Variants in CYP7B1 observed in about 807,000 individuals in gnomAD.
CYP7B1 encodes the protein cytochrome P450 family 7 subfamily B member 1, also known as cytochrome P450 7B1.
Under a neutral mutation model 42.7 loss-of-function variants are expected in CYP7B1, and 29 were observed. That is an observed-to-expected ratio of 0.68 (90% CI 0.51 to 0.93). The LOEUF is 0.93. Among genes scored for constraint, CYP7B1 ranks in the 40% least tolerant of loss-of-function variants. CYP7B1 has a pLI of 0.00. For synonymous variants in CYP7B1, 235 were observed against 218.2 expected (o/e 1.08, Z -0.68); for missense variants, 655 against 600.5 (o/e 1.09, Z -0.95).
chr8:64,630,331 T>C (rs1239800190), intron 1 of CYP7B1, among the ~76,000 whole-genome samples: 1 of 152,202 alleles, frequency 6.6e-6, no homozygotes, highest in Non-Finnish European at 1.5e-5. Context: ...TTTCTGTACA[T>C]CTGACTCATG....
At chr8:64,687,028 G>T (rs956250322) in intron 1 of CYP7B1, among the ~76,000 whole-genome samples, 5 of 141,362 alleles carry the variant, frequency 3.5e-5, no homozygotes, top group Admixed American at 7.1e-5. Context: ...GAAAACCAGA[G>T]ACCTTTGTTC....
intron 1 of CYP7B1, among the ~76,000 whole-genome samples, chr8:64,744,260 G>C (rs1300496003): frequency 6.6e-6 from 1 of 152,038 alleles, no homozygotes; most frequent in African/African-American, 2.4e-5. Flanking sequence ...TTATTTTATA[G>C]ATATATCATA....
chr8:64,725,692 G>A (rs1466712367), intron 1 of CYP7B1, among the ~76,000 whole-genome samples: 1 of 152,198 alleles, frequency 6.6e-6, no homozygotes, highest in Non-Finnish European at 1.5e-5. Context: ...GGTAGGTTAG[G>A]AGGAGGAGCA....
intron 1 of CYP7B1, among the ~76,000 whole-genome samples, chr8:64,750,026 A>C (rs1248588983): frequency 6.6e-6 from 1 of 152,238 alleles, no homozygotes; most frequent in African/African-American, 2.4e-5. Flanking sequence ...TAAATGAATA[A>C]ATGCATGCTA....
At chr8:64,697,775 A>G (rs546548827) in intron 1 of CYP7B1, among the ~76,000 whole-genome samples, 1 of 152,220 alleles carries the variant, frequency 6.6e-6, no homozygotes, top group Non-Finnish European at 1.5e-5. Flanking sequence ...TGAAAAATAC[A>G]TGAGATCTCA....
chr8:64,732,510 G>C (rs1034368260), intron 1 of CYP7B1, among the ~76,000 whole-genome samples: 1 of 152,148 alleles, frequency 6.6e-6, no homozygotes, highest in Non-Finnish European at 1.5e-5. Context: ...GCTCATAGGC[G>C]GAAGGGATTT....
intron 1 of CYP7B1, among the ~76,000 whole-genome samples, chr8:64,648,717 A>G (rs1463273576): frequency 1.3e-5 from 2 of 152,204 alleles, no homozygotes; most frequent in Non-Finnish European, 2.9e-5. Context: ...ACAGTGAGGT[A>G]TGGTAAAGGC....
At chr8:64,726,427 A>C (rs932985001) in intron 1 of CYP7B1, among the ~76,000 whole-genome samples, 11 of 152,226 alleles carry the variant, frequency 7.2e-5, no homozygotes, top group Admixed American at 5.2e-4. Context: ...AGTTACAAAA[A>C]GTAGTTTGAA....
chr8:64,624,190 G>C (rs1805572769), intron 2 of CYP7B1, among the ~76,000 whole-genome samples: 2 of 151,708 alleles, frequency 1.3e-5, no homozygotes, highest in African/African-American at 2.4e-5. Context: ...TGGAAAGAAG[G>C]GTTCCCTAAG....
chr8:64,652,120 C>T (rs139819349), intron 1 of CYP7B1, among the ~76,000 whole-genome samples: 148 of 152,282 alleles, frequency 9.7e-4, no homozygotes, highest in African/African-American at 3.3e-3. Context: ...ATTATAAATA[C>T]TCAAAATGCA....
At position 64,744,148 on chromosome 8, in the gene CYP7B1, A is replaced by C. The variant is rs181760634; in HGVS notation, c.122+54318T>G. ...AATTATGATTGGATTTATTCTCCTAAAAGGAGAGGGAAAATATAGTCAACT... is the reference window on the plus strand; with the variant it reads ...AATTATGATTGGATTTATTCTCCTACAAGGAGAGGGAAAATATAGTCAACT... On this transcript the variant is annotated intron_variant, in intron 1 of 5. Transcript: ENST00000310193. Among the ~76,000 whole-genome samples, 320 of 152,266 alleles carry C rather than the reference A, an allele frequency of 2.1e-3. 6 individuals carry two copies. Among genetic ancestry groups the C allele is most frequent in the Admixed American group, 0.02 (305 of 15,286 alleles).
At chr8:64,735,212 T>C (rs1336592675) in intron 1 of CYP7B1, among the ~76,000 whole-genome samples, 1 of 152,216 alleles carries the variant, frequency 6.6e-6, no homozygotes, top group Non-Finnish European at 1.5e-5. Context: ...TTTTCTAAAA[T>C]GGATATACTA....
At chr8:64,681,854 T>C (rs1806543910) in intron 1 of CYP7B1, among the ~76,000 whole-genome samples, 1 of 152,150 alleles carries the variant, frequency 6.6e-6, no homozygotes, top group Admixed American at 6.5e-5. Context: ...ATAATAAATG[T>C]TTGTTGTTTC....
intron 4 of CYP7B1, among the ~76,000 whole-genome samples, chr8:64,607,138 C>T (rs750745414): frequency 6.6e-6 from 1 of 152,096 alleles, no homozygotes; most frequent in Non-Finnish European, 1.5e-5. Flanking sequence ...TAAAACATAC[C>T]AAGGGATAAC....
At chr8:64,759,107 C>A (rs1194405979) in intron 1 of CYP7B1, among the ~76,000 whole-genome samples, 1 of 152,210 alleles carries the variant, frequency 6.6e-6, no homozygotes, top group Non-Finnish European at 1.5e-5. Flanking sequence ...CTACTCTGAT[C>A]AGCTCTAAAT....
chr8:64,716,084 T>C (rs1251882756), intron 1 of CYP7B1, among the ~76,000 whole-genome samples: 1 of 152,226 alleles, frequency 6.6e-6, no homozygotes, highest in African/African-American at 2.4e-5. Flanking sequence ...AACATAAGCA[T>C]TTAAAGCTTA....
Position 64,798,707 on chromosome 8 carries a change from C to T in CYP7B1, c.-120G>A, listed in dbSNP as rs1374791226. ...GCCCCCTAGTCCAGGGCCGGAGAGGCTGGCCTGCCCGCAGCGCAGACAGGA... is the reference window on the plus strand; with the variant it reads ...GCCCCCTAGTCCAGGGCCGGAGAGGTTGGCCTGCCCGCAGCGCAGACAGGA... On this transcript the variant is annotated 5_prime_UTR_variant, in exon 1 of 6. Transcript: ENST00000310193. 3.5e-6 allele frequency: 4 copies of T among 1,132,264 alleles called. No homozygotes were observed. Among genetic ancestry groups the T allele is most frequent in the South Asian group, 1.9e-5 (1 of 54,018 alleles). 70.1% of individuals were successfully genotyped at this position (1,132,264 alleles called of 1,614,324 possible).
rs568628011 is a variant in CYP7B1, at chr8:64,699,749, T to TA, written c.123-75211dup. Among the ~76,000 whole-genome samples the TA allele has an allele frequency of 2.7e-4, 41 of 152,094 alleles. 1 individual carries two copies. The highest frequency in any genetic ancestry group is 1.4e-3 in the Admixed American group (21 of 15,270). On this transcript the variant is annotated intron_variant, in intron 1 of 5. Transcript: ENST00000310193. ...AAAATAGCTAGCATTATTTTAATTT[T>TA]AAAAAAAATTACTGGAAAACCCTCA...
At chr8:64,611,811 T>G (rs1404983067) in intron 4 of CYP7B1, among the ~76,000 whole-genome samples, 1 of 152,118 alleles carries the variant, frequency 6.6e-6, no homozygotes, top group African/African-American at 2.4e-5. Flanking sequence ...CTCTTTTCAC[T>G]GGTGAGTCAT....
Sources: allele counts gnomAD v4.1 joint callset (sites outside exome capture counted in the v4.1 genomes callset), GRCh38; gene constraint gnomAD v4.1.1; transcripts MANE v1.5; gene names NCBI Gene and HGNC (gene_info 2026-07-23, HGNC 2026-07-21).